Variants in RSU1 observed in about 807,000 individuals in gnomAD.
RSU1 encodes the protein Ras suppressor protein 1, also known as rsu-1.
Under a neutral mutation model 31.1 loss-of-function variants are expected in RSU1, and 26 were observed. That is an observed-to-expected ratio of 0.84 (90% CI 0.61 to 1.16). The LOEUF (loss-of-function observed/expected upper bound fraction) is 1.16. RSU1 is among the 50% of genes most tolerant of loss of function. The pLI, the probability that RSU1 is intolerant of heterozygous loss-of-function variation, is 0.00. For synonymous variants in RSU1, 164 were observed against 136.3 expected, an observed-to-expected ratio of 1.20 and a Z score of -1.41; for missense variants, 320 against 339.1, an observed-to-expected ratio of 0.94 and a Z score of 0.44.
At chr10:16,735,553 C>T (rs1002121810) in intron 7 of RSU1, among the ~76,000 whole-genome samples, 1 of 152,150 alleles carries the variant, frequency 6.6e-6, no homozygotes, top group Non-Finnish European at 1.5e-5. Flanking sequence ...AGTCCATTCT[C>T]ACACTGCTAA....
chr10:16,783,513 G>A (rs753416363), intron 2 of RSU1, among the ~76,000 whole-genome samples: 3 of 151,844 alleles, frequency 2.0e-5, no homozygotes, highest in Admixed American at 6.6e-5. Flanking sequence ...GTGCCACCAC[G>A]CCCAGCTAAT....
intron 7 of RSU1, among the ~76,000 whole-genome samples, chr10:16,726,337 G>A (rs776626467): frequency 2.1e-5 from 3 of 145,996 alleles, no homozygotes; most frequent in Admixed American, 6.9e-5. Context: ...GCGCAATCTC[G>A]GCTCACTACA....
At chr10:16,792,598 T>A (rs763452466) in intron 2 of RSU1, among the ~76,000 whole-genome samples, 1 of 152,194 alleles carries the variant, frequency 6.6e-6, no homozygotes. Flanking sequence ...CCTTCTAGAA[T>A]ATTCAAAGGA....
At chr10:16,667,332 T>G (rs1835013953) in intron 8 of RSU1, among the ~76,000 whole-genome samples, 1 of 152,202 alleles carries the variant, frequency 6.6e-6, no homozygotes, top group Non-Finnish European at 1.5e-5. Context: ...GCTAAATCTA[T>G]TTATTACAAT....
At chr10:16,712,803 C>A (rs1836048503) in intron 7 of RSU1, among the ~76,000 whole-genome samples, 1 of 152,100 alleles carries the variant, frequency 6.6e-6, no homozygotes, top group Admixed American at 6.6e-5. Flanking sequence ...GAGTTTTACA[C>A]CTTCACATGT....
intron 2 of RSU1, among the ~76,000 whole-genome samples, chr10:16,816,272 C>T (rs1262367364): frequency 6.6e-6 from 1 of 152,140 alleles, no homozygotes; most frequent in Non-Finnish European, 1.5e-5. Flanking sequence ...AGCAGCTGGC[C>T]CCTTCAAGTG....
chr10:16,792,989 T>G (rs1181580935), intron 2 of RSU1, among the ~76,000 whole-genome samples: 1 of 152,250 alleles, frequency 6.6e-6, no homozygotes, highest in Non-Finnish European at 1.5e-5. Flanking sequence ...CCCTTGGTAG[T>G]AGGACACAGA....
chr10:16,788,525 C>A (rs1262770266), intron 2 of RSU1, among the ~76,000 whole-genome samples: 1 of 152,178 alleles, frequency 6.6e-6, no homozygotes, highest in Non-Finnish European at 1.5e-5. Flanking sequence ...AGTAAGACAG[C>A]CCTCACCGGA....
At chr10:16,722,374 T>C (rs1426140045) in intron 7 of RSU1, among the ~76,000 whole-genome samples, 1 of 152,134 alleles carries the variant, frequency 6.6e-6, no homozygotes, top group Non-Finnish European at 1.5e-5. Flanking sequence ...GAAAAGGATT[T>C]GATGAAGCAT....
intron 3 of RSU1, among the ~76,000 whole-genome samples, chr10:16,774,623 C>T (rs1019906352): frequency 3.9e-5 from 6 of 152,124 alleles, no homozygotes; most frequent in African/African-American, 1.4e-4. Context: ...TGCAAACATA[C>T]TAGTGTTATC....
At position 16,695,160 on chromosome 10, in the gene RSU1, G is replaced by GGGC. The variant is rs1554767088; in HGVS notation, c.599-6_599-5insGCC. On this transcript the variant is annotated splice_polypyrimidine_tract_variant and splice_region_variant and intron_variant, in intron 7 of 8. Transcript: ENST00000345264. ...GGCCAGTTAAATCCAAGTTTCCTGG[G>GGGC]GGGGGGGAAAAAAAAAGTGAAGGTC... is the stretch of plus-strand genomic sequence containing the variant. 4.7e-6 allele frequency: 7 copies of GGGC among 1,476,344 alleles called. 1 individual carries two copies. The highest frequency in any genetic ancestry group is 1.2e-5 in the South Asian group (1 of 83,414). The allele number at this position is 1,476,344 out of a possible 1,614,324, so 91.5% of individuals were successfully genotyped here.
chr10:16,791,234 C>A (rs1449920827), intron 2 of RSU1, among the ~76,000 whole-genome samples: 2 of 152,018 alleles, frequency 1.3e-5, no homozygotes, highest in African/African-American at 2.4e-5. Flanking sequence ...ACCATGTTGG[C>A]CAGGCTGGTC....
chr10:16,769,275 A>T (rs751269539), intron 3 of RSU1, among the ~76,000 whole-genome samples: 9 of 152,244 alleles, frequency 5.9e-5, no homozygotes, highest in Non-Finnish European at 1.2e-4. Flanking sequence ...TTAGCAGGGT[A>T]TGTTCTGGGC....
At chr10:16,689,574 C>CAACA (rs1835501697) in intron 8 of RSU1, among the ~76,000 whole-genome samples, 1 of 152,066 alleles carries the variant, frequency 6.6e-6, no homozygotes, top group Non-Finnish European at 1.5e-5. Flanking sequence ...AAACAATAAC[C>CAACA]AACAGCCAAA....
chr10:16,718,121 A>G (rs545912354), intron 7 of RSU1, among the ~76,000 whole-genome samples: 1 of 151,390 alleles, frequency 6.6e-6, no homozygotes, highest in South Asian at 2.1e-4. Context: ...AAAGAAAGAA[A>G]GAAAGAAAAG....
At chr10:16,809,041 A>G (rs1373652469) in intron 2 of RSU1, among the ~76,000 whole-genome samples, 1 of 152,214 alleles carries the variant, frequency 6.6e-6, no homozygotes, top group Non-Finnish European at 1.5e-5. Flanking sequence ...TCTGTTGTCA[A>G]AATCACCCAG....
chr10:16,734,190 G>A (rs971405914), intron 7 of RSU1, among the ~76,000 whole-genome samples: 1 of 152,208 alleles, frequency 6.6e-6, no homozygotes, highest in African/African-American at 2.4e-5. Context: ...AATGCAAGGG[G>A]GAAGAAAGCC....
chr10:16,593,442 G>GTCA lies in RSU1; in HGVS notation c.783_785dup (p.Asp262dup). 6.2e-7 allele frequency: 1 copy of GTCA among 1,614,074 alleles called. No individual in the cohort carries two copies. Among genetic ancestry groups the GTCA allele is most frequent in the Non-Finnish European group, 8.5e-7 (1 of 1,180,006 alleles). ...GTTTCCGGCTGATCTTTTTCGATTTGTCATTATTCTTCTTCGGTGGTTCTG... is the reference window on the plus strand; with the variant it reads ...GTTTCCGGCTGATCTTTTTCGATTTGTCATCATTATTCTTCTTCGGTGGTTCTG... On this transcript the variant is annotated inframe_insertion, in exon 9 of 9. Transcript: ENST00000345264.
chr10:16,631,103 C>T (rs1038306752), intron 8 of RSU1, among the ~76,000 whole-genome samples: 1 of 152,180 alleles, frequency 6.6e-6, no homozygotes, highest in Non-Finnish European at 1.5e-5. Context: ...GTTCCAGGGT[C>T]CCTAAGGTTC....
Sources: allele counts gnomAD v4.1 joint callset (sites outside exome capture counted in the v4.1 genomes callset), GRCh38; gene constraint gnomAD v4.1.1; transcripts MANE v1.5; gene names NCBI Gene and HGNC (gene_info 2026-07-23, HGNC 2026-07-21).